The following NCAPH variants were observed in gnomAD, a reference collection of about 807,000 sequenced individuals.
The protein encoded by NCAPH is condensin complex subunit 2.
Under a neutral mutation model 85.5 loss-of-function variants are expected in NCAPH, and 38 were observed. The ratio of observed to expected loss-of-function variants is 0.44; its 90% CI spans 0.34 to 0.58. NCAPH has a LOEUF of 0.58. Ranked by LOEUF, NCAPH falls within the 20% of genes least tolerant of loss-of-function variation. The probability of loss-of-function intolerance (pLI) is 0.01; values close to 1 mark genes in which losing one functional copy is unlikely to be tolerated. For missense variants in NCAPH, 789 were observed against 916.6 expected (o/e 0.86, Z 1.80); for synonymous variants, 301 against 335.1 (o/e 0.90, Z 1.11).
intron 3 of NCAPH, among the ~76,000 whole-genome samples, 184 bp from the exon 4 acceptor site, chr2:96,342,572 T>C (rs968684269): frequency 1.2e-4 from 18 of 152,260 alleles, no homozygotes; most frequent in Non-Finnish European, 1.9e-4. Flanking sequence ...CGTCATTCCC[T>C]AGCCTTGAAC....
intron 1 of NCAPH, among the ~76,000 whole-genome samples, chr2:96,339,927 T>C (rs543014838): frequency 6.6e-6 from 1 of 152,218 alleles, no homozygotes; most frequent in South Asian, 2.1e-4. Flanking sequence ...TTTTTACTTA[T>C]TTATTTATTT....
rs1573085615 is a variant in NCAPH, at chr2:96,359,123, T to G, written c.1287T>G (p.Ser429=). The G allele has an allele frequency of 6.2e-7, 1 of 1,614,238 alleles. No individual in the cohort carries two copies. Among genetic ancestry groups the G allele is most frequent in the African/African-American group, 1.3e-5 (1 of 75,066 alleles). ...PLLSMKPGEY[S]YFSPRTMSMW... ...TGTCTATGAAACCTGGAGAATATTCTTATTTCAGTCCTCGGACCATGTCGA... is the reference window on the plus strand; with the variant it reads ...TGTCTATGAAACCTGGAGAATATTCGTATTTCAGTCCTCGGACCATGTCGA... The change falls in exon 10 of 18, where the codon TCT becomes TCG. Residue 429 remains serine (S), a synonymous_variant. Transcript: ENST00000240423.
At chr2:96,364,823 C>T (rs2064672511) in intron 13 of NCAPH, among the ~76,000 whole-genome samples, 1 of 152,178 alleles carries the variant, frequency 6.6e-6, no homozygotes, top group Admixed American at 6.5e-5. Context: ...AAGCAAATGG[C>T]CACACTCAAG....
rs112133482 is a variant in NCAPH at position 96,366,421 on chromosome 2, G to A, written c.1881+363G>A. ...AATTCAGTTTGTATTAAATTATCATGTATTAAACATTTATCTCTTCCATAC... is the reference window on the plus strand; with the variant it reads ...AATTCAGTTTGTATTAAATTATCATATATTAAACATTTATCTCTTCCATAC... On this transcript the variant is annotated intron_variant, in intron 14 of 17. Coordinates refer to ENST00000240423, the MANE Select transcript of NCAPH (RefSeq NM_015341.5). 1.9e-3 allele frequency among the ~76,000 whole-genome samples: 296 copies of A among 152,340 alleles called. 1 individual carries two copies. Among genetic ancestry groups the A allele is most frequent in the Middle Eastern group, 0.01 (3 of 294 alleles).
chr2:96,367,403 C>G (rs756318816), intron 15 of NCAPH, 30 bp downstream of exon 15: 7 of 1,532,926 alleles, frequency 4.6e-6, no homozygotes, highest in African/African-American at 1.4e-5. Context: ...TCTCTAGGTG[C>G]CCAGCATGCG....
intron 8 of NCAPH, among the ~76,000 whole-genome samples, chr2:96,353,773 C>T (rs2064482453): frequency 6.6e-6 from 1 of 152,130 alleles, no homozygotes; most frequent in Non-Finnish European, 1.5e-5. Context: ...GGGGTTGAAT[C>T]CCTTGGCACA....
At chr2:96,353,734 C>T (rs1435368030) in intron 8 of NCAPH, among the ~76,000 whole-genome samples, 2 of 152,198 alleles carry the variant, frequency 1.3e-5, no homozygotes, top group East Asian at 1.9e-4. Flanking sequence ...CTTAGGCTGC[C>T]GTCAAGCTTG....
rs781717733 is a variant in NCAPH, at chr2:96,344,104, G to C, written c.596-1G>C. ...GTACGCAATTGTATTTCTCCTTTTA[G>C]ATGGAAGTGCTACTGAAATGGGAAC... On this transcript the variant is annotated splice_acceptor_variant, in intron 5 of 17. Transcript: ENST00000240423. LOFTEE classifies it high-confidence loss of function. The C allele has an allele frequency of 1.6e-5, 25 of 1,609,958 alleles. No individual in the cohort carries two copies. Among genetic ancestry groups the C allele is most frequent in the Non-Finnish European group, 2.5e-6 (3 of 1,178,872 alleles).
chr2:96,348,510 CATG>C lies in NCAPH; in HGVS notation c.721-3320_721-3318del, dbSNP rs773065835. On this transcript the variant is annotated intron_variant, in intron 6 of 17. Transcript: ENST00000240423. ...CCTGGCCTATGTCAAGGTCTTTAAA[CATG>C]GTGATATGCTACACACATCTGAAGT... Among the ~76,000 whole-genome samples, 40 of 151,600 alleles carry C rather than the reference CATG, an allele frequency of 2.6e-4. 1 individual carries two copies. In the East Asian group the frequency reaches 5.3e-3, roughly 20 times the overall value.
intron 9 of NCAPH, among the ~76,000 whole-genome samples, chr2:96,358,360 C>T (rs531677249): frequency 5.3e-4 from 80 of 152,310 alleles, no homozygotes; most frequent in African/African-American, 1.8e-3. Context: ...GATTTGTCAT[C>T]TTGTGTGGCA....
intron 17 of NCAPH, among the ~76,000 whole-genome samples, chr2:96,369,740 A>C (rs968409945): frequency 9.8e-5 from 15 of 152,312 alleles, no homozygotes; most frequent in African/African-American, 3.6e-4. Flanking sequence ...TAGATGATGG[A>C]ATTGTGATCG....
intron 17 of NCAPH, among the ~76,000 whole-genome samples, chr2:96,372,326 C>T (rs1055716857): frequency 4.6e-5 from 7 of 151,458 alleles, no homozygotes; most frequent in East Asian, 3.9e-4. Flanking sequence ...AGGAGGTGCG[C>T]GTGGATGGGG....
intron 6 of NCAPH, among the ~76,000 whole-genome samples, chr2:96,346,595 CAG>C (rs893734950): frequency 2.6e-5 from 4 of 151,996 alleles, no homozygotes; most frequent in South Asian, 2.1e-4. Context: ...CCTCGGAAGA[CAG>C]GGGAATGAGG....
chr2:96,336,809 C>T (rs1234166410), intron 1 of NCAPH, among the ~76,000 whole-genome samples: 3 of 152,150 alleles, frequency 2.0e-5, no homozygotes, highest in Admixed American at 6.5e-5. Flanking sequence ...CAGGTGAGAA[C>T]ACTAGGAAGG....
At chr2:96,345,784 G>A (rs1193128137) in intron 6 of NCAPH, among the ~76,000 whole-genome samples, 1 of 152,206 alleles carries the variant, frequency 6.6e-6, no homozygotes, top group Admixed American at 6.5e-5. Context: ...TATGCAAAAT[G>A]CTACCCATTG....
chr2:96,375,110 A>G lies in NCAPH; in HGVS notation c.*1759A>G, dbSNP rs1011597040. Among the ~76,000 whole-genome samples, 4 of 152,236 alleles carry G rather than the reference A, an allele frequency of 2.6e-5. No individual in the cohort carries two copies. Among genetic ancestry groups the G allele is most frequent in the Admixed American group, 2.0e-4 (3 of 15,294 alleles). ...GTAATCCCAGCTACTCAGAAGGCTG[A>G]GGTGGGATAATCACTTGAGCCCAGG... On this transcript the variant is annotated 3_prime_UTR_variant, in exon 18 of 18. Transcript: ENST00000240423.
chr2:96,355,886 G>A (rs180859467), intron 9 of NCAPH, among the ~76,000 whole-genome samples: 6 of 151,988 alleles, frequency 3.9e-5, no homozygotes, highest in Non-Finnish European at 7.4e-5. Flanking sequence ...CTCCCACCTC[G>A]GCCTCCCAAA....
chr2:96,361,767 T>TATATATAC (rs1292474979), intron 12 of NCAPH, among the ~76,000 whole-genome samples: 1 of 122,892 alleles, frequency 8.1e-6, no homozygotes, highest in African/African-American at 3.0e-5. Context: ...TATATATATA[T>TATATATAC]ACATATATAT....
At chr2:96,344,848 A>G (rs192421912) in intron 6 of NCAPH, among the ~76,000 whole-genome samples, 21 of 152,354 alleles carry the variant, frequency 1.4e-4, no homozygotes, top group Admixed American at 1.2e-3. Context: ...CTGCCATTAA[A>G]AACATTGTTT....
Sources: gnomAD v4.1 joint callset for allele counts (sites outside exome capture counted in the v4.1 genomes callset) on GRCh38, gnomAD v4.1.1 for gene constraint, MANE v1.5 for transcripts, NCBI Gene and HGNC (gene_info 2026-07-23, HGNC 2026-07-21) for gene names.